The following ZCCHC2 variants were observed in gnomAD, a reference collection of about 807,000 sequenced individuals.
The protein encoded by ZCCHC2 is zinc finger CCHC-type containing 2.
ZCCHC2 carries 39 observed loss-of-function variants against 103.6 expected under a neutral mutation model. That is an observed-to-expected ratio of 0.38 (90% CI 0.29 to 0.49). The LOEUF (loss-of-function observed/expected upper bound fraction) is 0.49, where lower values mean the gene tolerates loss of function less well. Ranked by LOEUF, ZCCHC2 falls within the 20% of genes least tolerant of loss-of-function variation. The pLI is 0.96. For synonymous variants in ZCCHC2, 687 were observed against 608.9 expected, an observed-to-expected ratio of 1.13 and a Z score of -1.89; for missense variants, 1,483 against 1,491.0, an observed-to-expected ratio of 0.99 and a Z score of 0.09.
In ZCCHC2 at chr18:62,563,133, T is replaced by C. The variant is rs550649336; in HGVS notation, c.1675T>C (p.Ser559Pro). The C allele has an allele frequency of 3.3e-5, 54 of 1,613,126 alleles. 1 individual carries two copies. Among genetic ancestry groups the C allele is most frequent in the African/African-American group, 2.3e-4 (17 of 75,030 alleles). The change falls in exon 9 of 14, where the codon TCG becomes CCG. Residue 559 changes from serine (S) to proline (P), a missense_variant. By Grantham distance (74) the Ser-to-Pro change is moderately conservative. Transcript: ENST00000269499. ...TIQHPEHCVTSADQHSAEKRS... is the reference protein window; with the variant it reads ...TIQHPEHCVTPADQHSAEKRS... The stretch of plus-strand genomic sequence containing the variant: ...TCAACACCCAGAGCACTGTGTGACC[T>C]CGGCTGACCAGGTGTGTGGGGAGTT...
rs1335464074 is a variant in ZCCHC2 at position 62,562,862 on chromosome 18, T to C, written c.1551-147T>C. 8.6e-6 allele frequency: 7 copies of C among 810,474 alleles called. No homozygotes were observed. The Admixed American group carries it at 1.4e-4, about 17-fold the overall frequency. The allele number at this position is 810,474 out of a possible 1,614,324, so 50.2% of individuals were successfully genotyped here. A position where few individuals can be genotyped will look rare whatever the true frequency, so the allele number is the denominator to read the frequency against. On this transcript the variant is annotated intron_variant, in intron 8 of 13. Transcript: ENST00000269499. ...ATGTGTAGTGGTTTATTTCTCATAG[T>C]ATACTTTTTTTTCTTAGACCTATCA...
chr18:62,576,330 G>A (rs951216438), intron 13 of ZCCHC2, among the ~76,000 whole-genome samples, 182 bp from the exon 14 acceptor site: 2 of 152,216 alleles, frequency 1.3e-5, no homozygotes, highest in South Asian at 4.1e-4. Flanking sequence ...ATAGCTTTTA[G>A]ATTGAATTCA....
chr18:62,540,026 C>G (rs1176827923), intron 2 of ZCCHC2, among the ~76,000 whole-genome samples: 3 of 152,164 alleles, frequency 2.0e-5, no homozygotes, highest in Non-Finnish European at 2.9e-5. Context: ...GCTCTGTAGT[C>G]CATTGTCTTG....
At chr18:62,534,449 T>G (rs1914834785) in intron 1 of ZCCHC2, among the ~76,000 whole-genome samples, 1 of 152,220 alleles carries the variant, frequency 6.6e-6, no homozygotes, top group Non-Finnish European at 1.5e-5. Context: ...ATTTTCTTAT[T>G]GCTTGGATAG....
chr18:62,547,277 A>G (rs1420565815), intron 4 of ZCCHC2, among the ~76,000 whole-genome samples: 1 of 150,986 alleles, frequency 6.6e-6, no homozygotes. Flanking sequence ...GTGAGCCAAG[A>G]TCATGCCATT....
In ZCCHC2 at chr18:62,524,331, G is replaced by C. The variant is rs1598920900; in HGVS notation, c.907G>C (p.Glu303Gln). The C allele has an allele frequency of 6.5e-7, 1 of 1,542,308 alleles. No homozygotes were observed. The highest frequency in any genetic ancestry group is 8.7e-7 in the Non-Finnish European group (1 of 1,143,964). ...CCCCGAGGACGCGGAGGTGGAGGTA[G>C]AGCCGTGCAAGTTTGCCGGCCCCAG... ...GGPEDAEVEV[E>Q]PCKFAGPRAQ... The change falls in exon 1 of 14, where the codon GAG becomes CAG. Residue 303 changes from glutamate (E) to glutamine (Q), a missense_variant. Physicochemically the swap from Glu to Gln is conservative, Grantham distance 29. Around this residue, in one of 3 missense-constraint regions of ZCCHC2, gnomAD observed 568 missense variants for 525.1 expected, o/e 1.08. Coordinates refer to ENST00000269499, the MANE Select transcript of ZCCHC2 (RefSeq NM_017742.6).
chr18:62,529,738 CG>C (rs574222413), intron 1 of ZCCHC2, among the ~76,000 whole-genome samples: 23 of 152,146 alleles, frequency 1.5e-4, no homozygotes, highest in Non-Finnish European at 2.9e-4. Flanking sequence ...TGGTGGGAGG[CG>C]GGAGCGGGTG....
Position 62,576,639 on chromosome 18 carries a change from G to A in ZCCHC2, c.*60G>A, listed in dbSNP as rs1916855628. 2.0e-6 allele frequency: 3 copies of A among 1,504,320 alleles called. No individual in the cohort carries two copies. Among genetic ancestry groups the A allele is most frequent in the Non-Finnish European group, 1.8e-6 (2 of 1,091,266 alleles). 93.2% of individuals were successfully genotyped at this position (1,504,320 alleles called of 1,614,324 possible). A position where few individuals can be genotyped will look rare whatever the true frequency, so the allele number is the denominator to read the frequency against. On this transcript the variant is annotated 3_prime_UTR_variant, in exon 14 of 14. Coordinates refer to ENST00000269499, the MANE Select transcript of ZCCHC2 (RefSeq NM_017742.6). ...TGTGGGGAGTCATGGGGTGTGGAGG[G>A]GAGGAAAGGAAAGGTATTTTGTTTC... is the stretch of plus-strand genomic sequence containing the variant.
At position 62,523,376 on chromosome 18, in the gene ZCCHC2, G is replaced by GCGCCC; in HGVS notation, c.-48_-47insGCCCC. On this transcript the variant is annotated 5_prime_UTR_variant, in exon 1 of 14. Transcript: ENST00000269499. ...GCCTCGGCCCGTGCTCCACCTCGCG[G>GCGCCC]CCCCTCCCGCCCGCCCCCGCTCGCA... 18 of 1,012,328 alleles carry GCGCCC rather than the reference G, an allele frequency of 1.8e-5. No homozygotes were observed. Among genetic ancestry groups the GCGCCC allele is most frequent in the African/African-American group, 3.5e-5 (2 of 56,958 alleles). 62.7% of individuals were successfully genotyped at this position (1,012,328 alleles called of 1,614,324 possible).
At chr18:62,532,524 A>G (rs867777663) in intron 1 of ZCCHC2, among the ~76,000 whole-genome samples, 2 of 152,202 alleles carry the variant, frequency 1.3e-5, no homozygotes, top group Non-Finnish European at 2.9e-5. Flanking sequence ...CCTGGCCTCT[A>G]ATAGGCCTTT....
In ZCCHC2 at chr18:62,577,607, C is replaced by A. The variant is rs1173962794; in HGVS notation, c.*1028C>A. On this transcript the variant is annotated 3_prime_UTR_variant, in exon 14 of 14. Transcript: ENST00000269499. ...TCTACCATAAGTCAGGTTGTTTGTTCCCTAACCTGTCTCTCATAGCAAAGT... is the reference window on the plus strand; with the variant it reads ...TCTACCATAAGTCAGGTTGTTTGTTACCTAACCTGTCTCTCATAGCAAAGT... 6.6e-6 allele frequency: 1 copy of A among 152,538 alleles called. No individual in the cohort carries two copies. Among genetic ancestry groups the A allele is most frequent in the Non-Finnish European group, 1.5e-5 (1 of 68,038 alleles). The allele number at this position is 152,538 out of a possible 1,614,324, so 9.4% of individuals were successfully genotyped here. A position where few individuals can be genotyped will look rare whatever the true frequency, so the allele number is the denominator to read the frequency against.
Position 62,552,466 on chromosome 18 carries a change from A to T in ZCCHC2, c.1313+2006A>T, listed in dbSNP as rs552499506. On this transcript the variant is annotated intron_variant, in intron 5 of 13. Transcript: ENST00000269499. ...ACTCACTGATGTCTTCCCAGGAGTT[A>T]GCCATTACACTAGGTATTTATGGTT... 3 of 152,342 alleles carry T rather than the reference A, an allele frequency of 2.0e-5. No homozygotes were observed. In the South Asian group the frequency reaches 6.2e-4, roughly 32 times the overall value. 9.4% of individuals were successfully genotyped at this position (152,342 alleles called of 1,614,324 possible).
chr18:62,564,607 A>C lies in ZCCHC2; in HGVS notation c.1723A>C (p.Lys575Gln), dbSNP rs2145523656. ...AEKRSLSSIN[K>Q]KKGKPQTEKE... ...AAAACGGAGTTTATCTTCAATAAAT[A>C]AGAAGAAAGGAAAGCCACAAACAGA... Residue 575 changes from lysine to glutamine, a missense_variant, in exon 10 of 14, where the codon AAG becomes CAG. Coordinates refer to ENST00000269499, the MANE Select transcript of ZCCHC2 (RefSeq NM_017742.6). 1.3e-6 allele frequency: 2 copies of C among 1,545,190 alleles called. No individual in the cohort carries two copies. The highest frequency in any genetic ancestry group is 2.4e-5 in the South Asian group (2 of 82,434).
At chr18:62,525,200 A>G (rs752415313) in intron 1 of ZCCHC2, 3 of 152,228 alleles carry the variant, frequency 2.0e-5, no homozygotes, top group Non-Finnish European at 4.4e-5. Context: ...AGAATCACTT[A>G]AACACCAAAA....
At chr18:62,582,177 A>C (rs1306028068), downstream of ZCCHC2, among the ~76,000 whole-genome samples, 5 of 152,370 alleles carry the variant, frequency 3.3e-5, no homozygotes, top group East Asian at 7.7e-4. Context: ...AAACACATTG[A>C]CAGTGGTATT....
Position 62,577,587 on chromosome 18 carries a change from C to T in ZCCHC2, c.*1008C>T, listed in dbSNP as rs1916899503. 6.6e-6 allele frequency: 1 copy of T among 152,528 alleles called. No homozygotes were observed. The highest frequency in any genetic ancestry group is 2.4e-5 in the African/African-American group (1 of 41,410). 9.4% of individuals were successfully genotyped at this position (152,528 alleles called of 1,614,324 possible). ...TCTGAACAGAGCTATGGGTTTCTAC[C>T]ATAAGTCAGGTTGTTTGTTCCCTAA... On this transcript the variant is annotated 3_prime_UTR_variant, in exon 14 of 14. Coordinates refer to ENST00000269499, the MANE Select transcript of ZCCHC2 (RefSeq NM_017742.6).
At chr18:62,585,285 T>C (rs1917142106) in exon 15 of ZCCHC2, 1 of 152,252 alleles carries the variant, frequency 6.6e-6, no homozygotes, top group South Asian at 2.1e-4. Flanking sequence ...GAGTATTCCA[T>C]TAAATCTACT....
At chr18:62,524,554 C>T in intron 1 of ZCCHC2, 191 bp downstream of exon 1, 1 of 847,194 alleles carries the variant, frequency 1.2e-6, no homozygotes, top group East Asian at 3.2e-5. Flanking sequence ...CTCCCCCACC[C>T]CACCCCACAC....
At position 62,527,131 on chromosome 18, in the gene ZCCHC2, A is replaced by G. The variant is rs558761310; in HGVS notation, c.939+2768A>G. The G allele has an allele frequency of 4.0e-5, 6 of 151,288 alleles. No homozygotes were observed. The East Asian group carries it at 9.8e-4, about 25-fold the overall frequency. The allele number at this position is 151,288 out of a possible 1,614,324, so 9.4% of individuals were successfully genotyped here. A position where few individuals can be genotyped will look rare whatever the true frequency, so the allele number is the denominator to read the frequency against. ...TTGGTGTGCCAAACGACGTATTTTC[A>G]GCCTTACTATTGGTTAACGTAAAGT... On this transcript the variant is annotated intron_variant, in intron 1 of 13. Coordinates refer to ENST00000269499, the MANE Select transcript of ZCCHC2 (RefSeq NM_017742.6).
Sources: allele counts gnomAD v4.1 joint callset (sites outside exome capture counted in the v4.1 genomes callset), GRCh38; gene constraint gnomAD v4.1.1; regional missense constraint gnomAD v4.1.1; transcripts MANE v1.5; gene names NCBI Gene and HGNC (gene_info 2026-07-23, HGNC 2026-07-21).